Variants in SLC35F1 observed in about 807,000 individuals in gnomAD.
SLC35F1 encodes chromosome 6 open reading frame 169.
A neutral mutation model predicts 48.7 loss-of-function variants in SLC35F1; 14 were observed. That is an observed-to-expected ratio of 0.29 (90% CI 0.19 to 0.45). The LOEUF (loss-of-function observed/expected upper bound fraction) is 0.45, where lower values mean the gene tolerates loss of function less well. Ranked by LOEUF, SLC35F1 falls within the 20% of genes least tolerant of loss-of-function variation. SLC35F1 has a pLI of 1.00. For missense variants in SLC35F1, 404 were observed against 500.0 expected, an observed-to-expected ratio of 0.81 and a Z score of 1.83; for synonymous variants, 190 against 202.2, an observed-to-expected ratio of 0.94 and a Z score of 0.51.
In SLC35F1 at chr6:117,907,527, G is replaced by C. The variant is rs966763264; in HGVS notation, c.-200G>C. The C allele has an allele frequency of 1.0e-4, 34 of 334,400 alleles. No individual in the cohort carries two copies. The South Asian group carries it at 2.0e-3, about 20-fold the overall frequency. The allele number at this position is 334,400 out of a possible 1,614,324, so 20.7% of individuals were successfully genotyped here. A position where few individuals can be genotyped will look rare whatever the true frequency, so the allele number is the denominator to read the frequency against. ...CACGGGCGCGAGGGTGCGCGCACTG[G>C]GACTGGAGAGGAGTGAGTGGCGGGC... On this transcript the variant is annotated 5_prime_UTR_variant, in exon 1 of 8. Coordinates refer to ENST00000360388, the MANE Select transcript of SLC35F1 (RefSeq NM_001029858.4).
chr6:118,130,525 T>G (rs1773695254), intron 1 of SLC35F1, among the ~76,000 whole-genome samples: 1 of 152,088 alleles, frequency 6.6e-6, no homozygotes, highest in Non-Finnish European at 1.5e-5. Flanking sequence ...ACTGGTTTAC[T>G]GAAAAAAATA....
At chr6:118,072,840 T>C (rs2114303222) in intron 1 of SLC35F1, among the ~76,000 whole-genome samples, 1 of 152,288 alleles carries the variant, frequency 6.6e-6, no homozygotes, top group African/African-American at 2.4e-5. Context: ...GGTTTCTTTT[T>C]CCATTCGTGA....
chr6:117,986,864 C>T (rs1776854586), intron 1 of SLC35F1, among the ~76,000 whole-genome samples: 1 of 152,204 alleles, frequency 6.6e-6, no homozygotes, highest in Non-Finnish European at 1.5e-5. Context: ...TGATTTCCAG[C>T]AGCCTGTGTT....
intron 2 of SLC35F1, among the ~76,000 whole-genome samples, chr6:118,168,391 G>T (rs1318710971): frequency 1.3e-5 from 2 of 151,834 alleles, no homozygotes; most frequent in Non-Finnish European, 2.9e-5. Flanking sequence ...ATACATACAG[G>T]AATACCTATG....
intron 3 of SLC35F1, among the ~76,000 whole-genome samples, chr6:118,245,809 G>A (rs575601309): frequency 7.8e-4 from 118 of 152,242 alleles, no homozygotes; most frequent in African/African-American, 2.8e-3. Context: ...TCCTCAGCTG[G>A]GTGTGGGGCT....
intron 2 of SLC35F1, among the ~76,000 whole-genome samples, chr6:118,205,381 G>T (rs1774922656): frequency 6.6e-6 from 1 of 152,186 alleles, no homozygotes; most frequent in Non-Finnish European, 1.5e-5. Flanking sequence ...TATAGCTGAT[G>T]GTCTGGCTTT....
intron 1 of SLC35F1, among the ~76,000 whole-genome samples, chr6:118,119,768 T>C (rs1562295801): frequency 6.6e-6 from 1 of 152,178 alleles, no homozygotes; most frequent in Non-Finnish European, 1.5e-5. Context: ...CATTTGGTAC[T>C]TCTTAGCTTA....
At chr6:117,930,134 A>G (rs1305004517) in intron 1 of SLC35F1, among the ~76,000 whole-genome samples, 1 of 152,142 alleles carries the variant, frequency 6.6e-6, no homozygotes, top group Non-Finnish European at 1.5e-5. Flanking sequence ...AGTTGGTACC[A>G]TTTTGTTTTG....
At chr6:117,913,330 A>G (rs1775786217) in intron 1 of SLC35F1, among the ~76,000 whole-genome samples, 1 of 152,238 alleles carries the variant, frequency 6.6e-6, no homozygotes, top group Non-Finnish European at 1.5e-5. Context: ...TTAAGCAGTA[A>G]CTGTATGCTG....
intron 2 of SLC35F1, among the ~76,000 whole-genome samples, chr6:118,204,094 A>C (rs1774903793): frequency 6.6e-6 from 1 of 151,622 alleles, no homozygotes; most frequent in Non-Finnish European, 1.5e-5. Flanking sequence ...TTAATTAAGG[A>C]AGTGACATTT....
intron 7 of SLC35F1, among the ~76,000 whole-genome samples, chr6:118,306,811 T>A (rs1005764285): frequency 6.6e-6 from 1 of 152,230 alleles, no homozygotes; most frequent in Admixed American, 6.5e-5. Flanking sequence ...AGTGAAACTG[T>A]CTGTTTGTCA....
At position 118,127,209 on chromosome 6, in the gene SLC35F1, A is replaced by G. The variant is rs544226810; in HGVS notation, c.174-27236A>G. ...GCATGAAGGGTTGTTGAATTTTGTCAAAGGCCTTTTCTGCATCTATTGAGA... is the reference window on the plus strand; with the variant it reads ...GCATGAAGGGTTGTTGAATTTTGTCGAAGGCCTTTTCTGCATCTATTGAGA... On this transcript the variant is annotated intron_variant, in intron 1 of 7. Coordinates refer to ENST00000360388, the MANE Select transcript of SLC35F1 (RefSeq NM_001029858.4). 4.6e-3 allele frequency among the ~76,000 whole-genome samples: 697 copies of G among 151,838 alleles called. 11 individuals are homozygous for G. The highest frequency in any genetic ancestry group is 0.016 in the African/African-American group (658 of 41,408).
rs1405782093 is a variant in SLC35F1 at position 118,188,390 on chromosome 6, A to G, written c.349+33770A>G. ...CATGGTGAAACCCCGTCTCTACTAA[A>G]AATACAAAAAGTAGCTGAGCGTGGT... On this transcript the variant is annotated intron_variant, in intron 2 of 7. Coordinates refer to ENST00000360388, the MANE Select transcript of SLC35F1 (RefSeq NM_001029858.4). Among the ~76,000 whole-genome samples the G allele has an allele frequency of 2.0e-5, 3 of 152,100 alleles. 1 individual carries two copies. The highest frequency in any genetic ancestry group is 2.0e-4 in the Admixed American group (3 of 15,270).
At chr6:117,959,850 C>G (rs1031373687) in intron 1 of SLC35F1, among the ~76,000 whole-genome samples, 1 of 152,128 alleles carries the variant, frequency 6.6e-6, no homozygotes, top group Admixed American at 6.5e-5. Context: ...CACAAGCTTT[C>G]TCAATTAATA....
intron 2 of SLC35F1, among the ~76,000 whole-genome samples, chr6:118,182,227 T>C (rs1023639638): frequency 6.6e-6 from 1 of 152,108 alleles, no homozygotes; most frequent in Admixed American, 6.5e-5. Flanking sequence ...GGCTCATGCC[T>C]GTAATCCCAT....
rs546953955 is a variant in SLC35F1 at position 118,004,309 on chromosome 6, A to C, written c.173+96410A>C. ...TAAATGTTCTTATGGAGAAATATCC[A>C]CAAAAACGTTTGGGGTTACATTTAA... On this transcript the variant is annotated intron_variant, in intron 1 of 7. Transcript: ENST00000360388. Among the ~76,000 whole-genome samples the C allele has an allele frequency of 5.9e-5, 9 of 152,342 alleles. No individual in the cohort carries two copies. The South Asian group carries it at 1.7e-3, about 28-fold the overall frequency.
At chr6:118,024,501 A>G (rs1214015481) in intron 1 of SLC35F1, among the ~76,000 whole-genome samples, 1 of 152,204 alleles carries the variant, frequency 6.6e-6, no homozygotes, top group African/African-American at 2.4e-5. Flanking sequence ...CTAATAGTGA[A>G]ATATAATGTC....
chr6:118,105,692 C>T (rs562673811), intron 1 of SLC35F1, among the ~76,000 whole-genome samples: 57 of 152,324 alleles, frequency 3.7e-4, no homozygotes, highest in African/African-American at 1.3e-3. Context: ...TTTCATCACA[C>T]TCTTCAGATA....
intron 1 of SLC35F1, among the ~76,000 whole-genome samples, chr6:117,991,568 T>C (rs997679959): frequency 2.6e-4 from 39 of 152,218 alleles, no homozygotes; most frequent in Non-Finnish European, 5.9e-5. Flanking sequence ...TGAACCATGG[T>C]TATAGTTAAC....
Sources: allele counts gnomAD v4.1 joint callset (sites outside exome capture counted in the v4.1 genomes callset), GRCh38; gene constraint gnomAD v4.1.1; transcripts MANE v1.5; gene names NCBI Gene and HGNC (gene_info 2026-07-23, HGNC 2026-07-21).